Variants in NKAIN3 observed in about 807,000 individuals in gnomAD.
NKAIN3 encodes the protein sodium/potassium-transporting ATPase subunit beta-1-interacting protein 3.
Under a neutral mutation model 30.2 loss-of-function variants are expected in NKAIN3, and 25 were observed. The observed-to-expected ratio is 0.83, with a 90% CI of 0.60 to 1.16. The LOEUF is 1.16. NKAIN3 is among the 50% of genes most tolerant of loss of function. The pLI is 0.00. For synonymous variants in NKAIN3, 91 were observed against 89.6 expected, an observed-to-expected ratio of 1.02 and a Z score of -0.09; for missense variants, 225 against 254.1, an observed-to-expected ratio of 0.89 and a Z score of 0.78.
chr8:62,267,956 AG>A (rs1268016653), intron 1 of NKAIN3, among the ~76,000 whole-genome samples: 1 of 152,208 alleles, frequency 6.6e-6, no homozygotes, highest in Admixed American at 6.5e-5. Context: ...ATTTTACAAT[AG>A]TTTTTGTCCT....
intron 2 of NKAIN3, among the ~76,000 whole-genome samples, chr8:62,582,985 C>T (rs1026591567): frequency 6.6e-6 from 1 of 152,224 alleles, no homozygotes; most frequent in East Asian, 1.9e-4. Context: ...GTTTGTGTCC[C>T]GGTCTAGCAA....
At chr8:62,686,927 C>A (rs1586088981) in intron 3 of NKAIN3, among the ~76,000 whole-genome samples, 1 of 152,166 alleles carries the variant, frequency 6.6e-6, no homozygotes, top group East Asian at 1.9e-4. Context: ...GGTGTTTACC[C>A]AAGGCTAACA....
intron 1 of NKAIN3, among the ~76,000 whole-genome samples, chr8:62,504,715 T>A (rs1399792092): frequency 6.6e-6 from 1 of 152,186 alleles, no homozygotes; most frequent in African/African-American, 2.4e-5. Context: ...GTTATTCTTC[T>A]TAAAACCCTT....
chr8:62,838,272 T>G (rs1193798977), intron 4 of NKAIN3, among the ~76,000 whole-genome samples: 1 of 151,710 alleles, frequency 6.6e-6, no homozygotes, highest in Admixed American at 6.6e-5. Flanking sequence ...TGTTTGCAAA[T>G]TCTAATTATT....
At chr8:62,548,585 T>G (rs1329647592) in intron 1 of NKAIN3, among the ~76,000 whole-genome samples, 1 of 152,126 alleles carries the variant, frequency 6.6e-6, no homozygotes, top group Admixed American at 6.5e-5. Flanking sequence ...AAAAAAATCC[T>G]TATTGGAACA....
At chr8:62,902,970 T>G (rs758055720) in intron 4 of NKAIN3, among the ~76,000 whole-genome samples, 4 of 152,228 alleles carry the variant, frequency 2.6e-5, no homozygotes, top group Non-Finnish European at 4.4e-5. Flanking sequence ...TCCATGATAT[T>G]GCTGAGCTGG....
chr8:62,727,294 CAAG>C (rs1815289095), intron 3 of NKAIN3, among the ~76,000 whole-genome samples: 1 of 152,042 alleles, frequency 6.6e-6, no homozygotes, highest in South Asian at 2.1e-4. Context: ...AGGAACAAGG[CAAG>C]AACGTCCCAG....
chr8:62,549,246 C>A (rs1467439196), intron 1 of NKAIN3, among the ~76,000 whole-genome samples: 1 of 152,164 alleles, frequency 6.6e-6, no homozygotes, highest in Non-Finnish European at 1.5e-5. Context: ...GAGTAATAGT[C>A]TGTCAGTAAT....
At chr8:62,724,317 A>G (rs1252541617) in intron 3 of NKAIN3, among the ~76,000 whole-genome samples, 2 of 152,120 alleles carry the variant, frequency 1.3e-5, no homozygotes, top group African/African-American at 2.4e-5. Flanking sequence ...ATACAGGCAT[A>G]CAATGTACAA....
At chr8:62,369,963 G>A (rs1017915930) in intron 1 of NKAIN3, among the ~76,000 whole-genome samples, 2 of 151,968 alleles carry the variant, frequency 1.3e-5, no homozygotes, top group Non-Finnish European at 2.9e-5. Flanking sequence ...GCCTTACAAA[G>A]TACAGTAGTT....
chr8:62,280,206 A>T (rs1813130106), intron 1 of NKAIN3, among the ~76,000 whole-genome samples: 1 of 151,964 alleles, frequency 6.6e-6, no homozygotes, highest in African/African-American at 2.4e-5. Flanking sequence ...AATGCTTGTG[A>T]TTTTTGCACG....
intron 1 of NKAIN3, among the ~76,000 whole-genome samples, chr8:62,467,166 C>T (rs1490474419): frequency 1.3e-5 from 2 of 152,190 alleles, no homozygotes; most frequent in African/African-American, 4.8e-5. Flanking sequence ...CTTGCTCTTG[C>T]TGCTTCTGCC....
At chr8:62,697,574 T>C (rs982222852) in intron 3 of NKAIN3, among the ~76,000 whole-genome samples, 1 of 152,212 alleles carries the variant, frequency 6.6e-6, no homozygotes, top group Non-Finnish European at 1.5e-5. Context: ...TTACTTATGT[T>C]TGTTTTTGTT....
At chr8:62,881,956 A>G (rs934531440) in intron 4 of NKAIN3, among the ~76,000 whole-genome samples, 12 of 152,328 alleles carry the variant, frequency 7.9e-5, no homozygotes, top group Admixed American at 1.3e-4. Flanking sequence ...ATAGGTGTGT[A>G]ATGGTATCCC....
chr8:62,759,415 A>G (rs79098778), intron 4 of NKAIN3, among the ~76,000 whole-genome samples: 4,021 of 152,240 alleles, frequency 0.026, 185 homozygotes, highest in African/African-American at 0.091. Flanking sequence ...CCTAAGTAAG[A>G]TGAATTATGT....
downstream of NKAIN3, among the ~76,000 whole-genome samples, chr8:62,985,903 CACA>C (rs1473867636): frequency 6.6e-6 from 1 of 152,166 alleles, no homozygotes; most frequent in Non-Finnish European, 1.5e-5. Context: ...GAGATGAAAG[CACA>C]ACAACATAAA....
intron 1 of NKAIN3, among the ~76,000 whole-genome samples, chr8:62,293,100 T>C (rs1206006758): frequency 1.3e-5 from 2 of 152,246 alleles, no homozygotes; most frequent in Non-Finnish European, 2.9e-5. Flanking sequence ...TAAGGACTTC[T>C]CTACACTGTT....
chr8:62,902,905 G>A (rs1821656163), intron 4 of NKAIN3, among the ~76,000 whole-genome samples: 1 of 152,194 alleles, frequency 6.6e-6, no homozygotes, highest in Non-Finnish European at 1.5e-5. Flanking sequence ...CTTGCTACCA[G>A]AAATGCATTA....
intron 4 of NKAIN3, among the ~76,000 whole-genome samples, chr8:62,847,439 T>G (rs1222214573): frequency 6.6e-6 from 1 of 152,216 alleles, no homozygotes; most frequent in Admixed American, 6.5e-5. Flanking sequence ...TCATCAGTGA[T>G]AGTGAGCTCT....
Sources: allele counts gnomAD v4.1 joint callset (sites outside exome capture counted in the v4.1 genomes callset), GRCh38; gene constraint gnomAD v4.1.1; transcripts MANE v1.5; gene names NCBI Gene and HGNC (gene_info 2026-07-23, HGNC 2026-07-21).